Variants in ZRANB3 observed in about 807,000 individuals in gnomAD.
ZRANB3 encodes zinc finger RANBP2-type containing 3.
In ZRANB3, 125 loss-of-function variants were observed where a neutral mutation model predicts 133.8. That is an observed-to-expected ratio of 0.93 (90% confidence interval 0.81 to 1.08). The LOEUF (loss-of-function observed/expected upper bound fraction) is 1.08. ZRANB3 is among the 50% of genes least tolerant of loss of function. ZRANB3 has a pLI of 0.00. For synonymous variants in ZRANB3, 387 were observed against 432.7 expected (o/e 0.89, Z 1.31); for missense variants, 1,229 against 1,275.5 (o/e 0.96, Z 0.56).
In ZRANB3 at chr2:135,197,559, A is replaced by C. The variant is rs1309927954; in HGVS notation, c.*2783T>G. 5 of 152,224 alleles carry C rather than the reference A, an allele frequency of 3.3e-5. No homozygotes were observed. Among genetic ancestry groups the C allele is most frequent in the Non-Finnish European group, 2.9e-5 (2 of 68,042 alleles). 9.4% of individuals were successfully genotyped at this position (152,224 alleles called of 1,614,324 possible). ...AAGAGTGGGCGTCTTTAAAAATTCCATATGAATTATTCCTCCTGGCTCTGG... is the reference window on the plus strand; with the variant it reads ...AAGAGTGGGCGTCTTTAAAAATTCCCTATGAATTATTCCTCCTGGCTCTGG... On this transcript the variant is annotated 3_prime_UTR_variant, in exon 21 of 21. Coordinates refer to ENST00000264159, the MANE Select transcript of ZRANB3 (RefSeq NM_032143.4).
intron 8 of ZRANB3, among the ~76,000 whole-genome samples, chr2:135,285,387 CAG>C (rs1491278366): frequency 2.6e-5 from 4 of 152,172 alleles, no homozygotes; most frequent in South Asian, 2.1e-4. Flanking sequence ...GAAGAGGAGG[CAG>C]AGTGTCCCCA....
chr2:135,399,171 A>G (rs2104936726), intron 2 of ZRANB3, among the ~76,000 whole-genome samples: 1 of 152,332 alleles, frequency 6.6e-6, no homozygotes, highest in Non-Finnish European at 1.5e-5. Flanking sequence ...ATACAGTGAA[A>G]TGTTTCTCTT....
At chr2:135,255,062 T>C (rs1230460177) in intron 12 of ZRANB3, among the ~76,000 whole-genome samples, 1 of 152,108 alleles carries the variant, frequency 6.6e-6, no homozygotes, top group Non-Finnish European at 1.5e-5. Context: ...TAGAACATTT[T>C]CATTACCCTC....
intron 1 of ZRANB3, among the ~76,000 whole-genome samples, chr2:135,508,032 A>AG (rs1209996591): frequency 6.6e-6 from 1 of 152,188 alleles, no homozygotes; most frequent in African/African-American, 2.4e-5. Context: ...CTTAGTAAAA[A>AG]ATTTTAATAG....
intron 7 of ZRANB3, 129 bp from the exon 8 acceptor site, chr2:135,313,734 G>T: frequency 1.9e-6 from 1 of 534,592 alleles, no homozygotes; most frequent in Non-Finnish European, 3.2e-6. Flanking sequence ...AATCCCCAAA[G>T]ATTCCAACAT....
chr2:135,217,568 T>G lies in ZRANB3; in HGVS notation c.2392A>C (p.Met798Leu). 1 of 1,613,846 alleles carries G rather than the reference T, an allele frequency of 6.2e-7. No homozygotes were observed. The highest frequency in any genetic ancestry group is 1.1e-5 in the South Asian group (1 of 91,028). ...CTTTTCCTGATTATCCTTTGCTTCA[T>G]GGCAGTTAGACTACTCCATTCTCGA... ...FVREWSSLTA[M>L]KQRIIRKSGQ... The change falls in exon 17 of 21, where the codon ATG becomes CTG. Residue 798 changes from methionine to leucine, a missense_variant. Transcript: ENST00000264159.
At chr2:135,338,071 G>C (rs1684449589) in intron 6 of ZRANB3, among the ~76,000 whole-genome samples, 1 of 152,132 alleles carries the variant, frequency 6.6e-6, no homozygotes, top group Non-Finnish European at 1.5e-5. Context: ...TCAATTTTCA[G>C]AGCAATTTTA....
At chr2:135,223,166 G>A (rs561106825) in intron 15 of ZRANB3, among the ~76,000 whole-genome samples, 5 of 151,566 alleles carry the variant, frequency 3.3e-5, no homozygotes, top group South Asian at 4.2e-4. Flanking sequence ...CAGGAGAATC[G>A]TTTGAACCCA....
chr2:135,327,661 T>TTTAG, intron 6 of ZRANB3, among the ~76,000 whole-genome samples: 1 of 152,178 alleles, frequency 6.6e-6, no homozygotes, highest in Non-Finnish European at 1.5e-5. Flanking sequence ...TTTTTCACTG[T>TTTAG]TTAGTTATGT....
chr2:135,208,428 T>C (rs1011782619), intron 18 of ZRANB3, among the ~76,000 whole-genome samples: 1 of 152,236 alleles, frequency 6.6e-6, no homozygotes, highest in African/African-American at 2.4e-5. Flanking sequence ...GGATATGTGC[T>C]CAATTTGTTA....
chr2:135,447,403 T>C (rs1345207012), intron 2 of ZRANB3, among the ~76,000 whole-genome samples: 1 of 152,206 alleles, frequency 6.6e-6, no homozygotes, highest in African/African-American at 2.4e-5. Flanking sequence ...TCTTTCTTAT[T>C]CTCAGCCTGT....
At chr2:135,293,378 A>C (rs1253313901) in intron 8 of ZRANB3, among the ~76,000 whole-genome samples, 1 of 152,002 alleles carries the variant, frequency 6.6e-6, no homozygotes, top group Non-Finnish European at 1.5e-5. Context: ...GAGTTCACTC[A>C]TGATTTGGCT....
chr2:135,517,408 T>C (rs1175064460), intron 1 of ZRANB3, among the ~76,000 whole-genome samples: 3 of 152,174 alleles, frequency 2.0e-5, no homozygotes, highest in African/African-American at 7.2e-5. Context: ...CTTCGTGGAT[T>C]TATCTACCTT....
intron 6 of ZRANB3, among the ~76,000 whole-genome samples, chr2:135,319,146 G>A (rs563550188): frequency 1.1e-4 from 17 of 152,298 alleles, no homozygotes; most frequent in Admixed American, 2.6e-4. Flanking sequence ...GCCCTTTTTA[G>A]AGTTAGACAC....
In ZRANB3 at chr2:135,324,404, C is replaced by T. The variant is rs189081293; in HGVS notation, c.678-8874G>A. Among the ~76,000 whole-genome samples the T allele has an allele frequency of 6.0e-3, 913 of 152,262 alleles. 9 individuals carry two copies. Among genetic ancestry groups the T allele is most frequent in the African/African-American group, 0.02 (824 of 41,560 alleles). ...GCTTCATCCATGTCCCAACAAAGGA[C>T]ATGAACTCATCATTTTTTATGGCTG... On this transcript the variant is annotated intron_variant, in intron 6 of 20. Transcript: ENST00000264159.
intron 8 of ZRANB3, among the ~76,000 whole-genome samples, chr2:135,305,903 T>C (rs1682667263): frequency 6.6e-6 from 1 of 152,290 alleles, no homozygotes; most frequent in East Asian, 1.9e-4. Context: ...AAATTGAATA[T>C]ATTATCCTAG....
intron 2 of ZRANB3, among the ~76,000 whole-genome samples, chr2:135,411,219 CAG>C (rs1304514391): frequency 6.6e-6 from 1 of 151,962 alleles, no homozygotes; most frequent in Non-Finnish European, 1.5e-5. Flanking sequence ...ACCTGGGTGA[CAG>C]AGTGAGACCC....
At chr2:135,347,890 T>C (rs1318722390) in intron 5 of ZRANB3, among the ~76,000 whole-genome samples, 1 of 151,988 alleles carries the variant, frequency 6.6e-6, no homozygotes, top group Non-Finnish European at 1.5e-5. Context: ...AATAACCTAA[T>C]TTTTCACCTT....
intron 2 of ZRANB3, among the ~76,000 whole-genome samples, chr2:135,398,980 T>A (rs1006118051): frequency 1.3e-5 from 2 of 152,226 alleles, no homozygotes; most frequent in Non-Finnish European, 2.9e-5. Flanking sequence ...CTTGTCATAG[T>A]TGCTTTGGTT....
Sources: allele counts gnomAD v4.1 joint callset (sites outside exome capture counted in the v4.1 genomes callset), GRCh38; gene constraint gnomAD v4.1.1; transcripts MANE v1.5; gene names NCBI Gene and HGNC (gene_info 2026-07-23, HGNC 2026-07-21).